The following SUGCT variants were observed in gnomAD, a reference collection of about 807,000 sequenced individuals.
SUGCT encodes succinyl-CoA:glutarate-CoA transferase, also known as succinyl-CoA:glutarate CoA-transferase.
In SUGCT, 41 loss-of-function variants were observed where a neutral mutation model predicts 55.0. That is an observed-to-expected ratio of 0.74 (90% confidence interval 0.58 to 0.97). The LOEUF (loss-of-function observed/expected upper bound fraction) is 0.97. Ranked by LOEUF, SUGCT falls within the 50% of genes least tolerant of loss-of-function variation. SUGCT has a pLI of 0.00. For synonymous variants in SUGCT, 187 were observed against 200.4 expected (o/e 0.93, Z 0.56); for missense variants, 568 against 547.8 (o/e 1.04, Z -0.37).
the SUGCT span, among the ~76,000 whole-genome samples, chr7:40,899,527 A>G: frequency 6.6e-6 from 1 of 152,220 alleles, no homozygotes; most frequent in African/African-American, 2.4e-5. Context: ...AACGAAAAAT[A>G]CAACAACAAA....
chr7:40,191,225 C>T (rs1320192808), intron 5 of SUGCT, among the ~76,000 whole-genome samples: 1 of 152,098 alleles, frequency 6.6e-6, no homozygotes, highest in Non-Finnish European at 1.5e-5. Flanking sequence ...CCATATTGGT[C>T]AGTCTAGTCT....
At chr7:40,306,825 A>G (rs1794874793) in intron 8 of SUGCT, among the ~76,000 whole-genome samples, 1 of 152,170 alleles carries the variant, frequency 6.6e-6, no homozygotes, top group African/African-American at 2.4e-5. Context: ...TCAGTGGTTC[A>G]TGGTAAGAAA....
intron 1 of SUGCT, chr7:40,153,895 A>G: frequency 8.0e-6 from 3 of 377,050 alleles, no homozygotes; most frequent in South Asian, 5.0e-5. Flanking sequence ...GGGATCCAAG[A>G]AGAGAAACTG....
intron 12 of SUGCT, among the ~76,000 whole-genome samples, chr7:40,532,645 A>G (rs1336920106): frequency 6.6e-6 from 1 of 151,692 alleles, no homozygotes; most frequent in Non-Finnish European, 1.5e-5. Context: ...ATTCTAGGTA[A>G]GCAAGCAAAA....
intron 12 of SUGCT, among the ~76,000 whole-genome samples, chr7:40,615,999 G>A (rs1016029470): frequency 7.2e-5 from 11 of 152,112 alleles, no homozygotes; most frequent in African/African-American, 2.7e-4. Flanking sequence ...AACATCACCT[G>A]TTTCTTTTCC....
chr7:40,272,665 T>A (rs867602047), intron 7 of SUGCT, among the ~76,000 whole-genome samples: 2,466 of 123,930 alleles, frequency 0.02, 63 homozygotes, highest in African/African-American at 0.065. Context: ...ATTATTATTA[T>A]TTTTTTTTTT....
At chr7:41,011,097 G>A in the SUGCT span, among the ~76,000 whole-genome samples, 7 of 152,220 alleles carry the variant, frequency 4.6e-5, no homozygotes, top group South Asian at 1.2e-3. Context: ...TCTCATGCTC[G>A]ATTCCAAGCT....
At chr7:40,300,490 A>G (rs751908060) in intron 8 of SUGCT, among the ~76,000 whole-genome samples, 37 of 152,248 alleles carry the variant, frequency 2.4e-4, no homozygotes, top group Non-Finnish European at 3.1e-4. Flanking sequence ...GAATTGACAC[A>G]ACAAAGCAGA....
intron 9 of SUGCT, among the ~76,000 whole-genome samples, chr7:40,414,762 G>T (rs758334992): frequency 6.6e-6 from 1 of 152,006 alleles, no homozygotes; most frequent in Non-Finnish European, 1.5e-5. Context: ...ATAAAAATTG[G>T]CTGGGCGCGG....
At chr7:40,726,968 G>A (rs1001382331) in intron 12 of SUGCT, among the ~76,000 whole-genome samples, 4 of 152,230 alleles carry the variant, frequency 2.6e-5, no homozygotes, top group African/African-American at 7.2e-5. Context: ...ACAGAGTAGT[G>A]TGTGATTGAA....
intron 13 of SUGCT, among the ~76,000 whole-genome samples, chr7:40,840,122 C>T (rs576932945): frequency 4.3e-4 from 65 of 152,238 alleles, no homozygotes; most frequent in African/African-American, 1.5e-3. Context: ...CTCAAAAATG[C>T]ATATTGCTGA....
At chr7:40,334,030 G>T (rs1796520194) in intron 9 of SUGCT, among the ~76,000 whole-genome samples, 1 of 152,006 alleles carries the variant, frequency 6.6e-6, no homozygotes, top group South Asian at 2.1e-4. Context: ...GCGATAGTTT[G>T]CTGAGAATGA....
chr7:40,986,069 C>T, the SUGCT span, among the ~76,000 whole-genome samples: 14 of 152,300 alleles, frequency 9.2e-5, no homozygotes, highest in East Asian at 9.6e-4. Flanking sequence ...ATAAATTTTA[C>T]ACAACATGAG....
chr7:40,985,339 C>CA, the SUGCT span, among the ~76,000 whole-genome samples: 1 of 152,066 alleles, frequency 6.6e-6, no homozygotes, highest in East Asian at 1.9e-4. Context: ...GCTTTCATTA[C>CA]AAAAAAGACA....
At chr7:40,454,764 A>C (rs538692629) in intron 10 of SUGCT, among the ~76,000 whole-genome samples, 44 of 152,324 alleles carry the variant, frequency 2.9e-4, no homozygotes, top group African/African-American at 9.9e-4. Context: ...TCCAGTAGAA[A>C]TATCCTTAAG....
At chr7:40,871,498 A>G in the SUGCT span, among the ~76,000 whole-genome samples, 1 of 152,240 alleles carries the variant, frequency 6.6e-6, no homozygotes, top group African/African-American at 2.4e-5. Flanking sequence ...ATGGAGCAGA[A>G]GAACCTGCCC....
intron 1 of SUGCT, among the ~76,000 whole-genome samples, chr7:40,167,364 G>A (rs7807200): frequency 0.037 from 5,684 of 152,280 alleles, 334 homozygotes; most frequent in African/African-American, 0.13. Flanking sequence ...AATTGAGGAA[G>A]AGGTAGTTTG....
chr7:40,928,408 T>G, the SUGCT span, among the ~76,000 whole-genome samples: 3 of 152,228 alleles, frequency 2.0e-5, no homozygotes, highest in East Asian at 5.8e-4. Context: ...CTTAATTAAC[T>G]TTCACTTTTA....
At chr7:41,025,095 T>C in the SUGCT span, among the ~76,000 whole-genome samples, 1 of 152,176 alleles carries the variant, frequency 6.6e-6, no homozygotes, top group South Asian at 2.1e-4. Flanking sequence ...AAAGACATAA[T>C]GCTATCTAGT....
Sources: gnomAD v4.1 joint callset for allele counts (sites outside exome capture counted in the v4.1 genomes callset) on GRCh38, gnomAD v4.1.1 for gene constraint, MANE v1.5 for transcripts, NCBI Gene and HGNC (gene_info 2026-07-23, HGNC 2026-07-21) for gene names.